Variants in SLC9A9 observed in about 807,000 individuals in gnomAD.
SLC9A9 encodes solute carrier family 9 member A9.
SLC9A9 carries 62 observed loss-of-function variants against 77.8 expected under a neutral mutation model. The ratio of observed to expected loss-of-function variants is 0.80; its 90% CI spans 0.65 to 0.98. The LOEUF is 0.98. Ranked by LOEUF, SLC9A9 falls within the 50% of genes least tolerant of loss-of-function variation. The probability of loss-of-function intolerance (pLI) is 0.00; values close to 1 mark genes in which losing one functional copy is unlikely to be tolerated. For synonymous variants in SLC9A9, 320 were observed against 283.5 expected, an observed-to-expected ratio of 1.13 and a Z score of -1.29; for missense variants, 775 against 774.9, an observed-to-expected ratio of 1.00 and a Z score of 0.00.
At position 143,756,192 on chromosome 3, in the gene SLC9A9, C is replaced by T. The variant is rs562187817; in HGVS notation, c.533+38809G>A. On this transcript the variant is annotated intron_variant, in intron 4 of 15. Transcript: ENST00000316549. The stretch of plus-strand genomic sequence containing the variant: ...CTCATACAGAGAAAATATCTAGGGG[C>T]GTTTTTGTGCATGTGGTCACAAAAC... 2.2e-4 allele frequency among the ~76,000 whole-genome samples: 33 copies of T among 152,252 alleles called. No homozygotes were observed. In the South Asian group the frequency reaches 5.2e-3, roughly 24 times the overall value.
chr3:143,670,028 A>C (rs9883036), intron 5 of SLC9A9, among the ~76,000 whole-genome samples: 6,138 of 152,246 alleles, frequency 0.04, 150 homozygotes, highest in African/African-American at 0.057. Flanking sequence ...GAGAAAAAGT[A>C]GATATTATCA....
intron 6 of SLC9A9, among the ~76,000 whole-genome samples, chr3:143,586,060 T>C (rs891162778): frequency 2.4e-4 from 37 of 152,184 alleles, no homozygotes; most frequent in Non-Finnish European, 1.0e-4. Flanking sequence ...GGGATAACAG[T>C]ATAACAGTTT....
chr3:143,724,872 G>C (rs763323528), intron 4 of SLC9A9, among the ~76,000 whole-genome samples: 10 of 152,064 alleles, frequency 6.6e-5, no homozygotes, highest in Non-Finnish European at 1.3e-4. Flanking sequence ...TAACATCAAA[G>C]GTAGGATGCC....
At chr3:143,679,003 G>A (rs937806136) in intron 5 of SLC9A9, among the ~76,000 whole-genome samples, 2 of 144,636 alleles carry the variant, frequency 1.4e-5, no homozygotes, top group Non-Finnish European at 3.0e-5. Context: ...AAGGAGCACT[G>A]TTTTGGATTG....
intron 12 of SLC9A9, among the ~76,000 whole-genome samples, chr3:143,420,329 C>T (rs948586467): frequency 6.6e-6 from 1 of 152,190 alleles, no homozygotes; most frequent in South Asian, 2.1e-4. Context: ...GGCATCCAAT[C>T]AACTGAAGCC....
At chr3:143,571,556 T>C (rs1345702273) in intron 8 of SLC9A9, among the ~76,000 whole-genome samples, 1 of 152,064 alleles carries the variant, frequency 6.6e-6, no homozygotes, top group East Asian at 1.9e-4. Context: ...CCCTTATATA[T>C]AGATGCATGT....
In SLC9A9 at chr3:143,827,696, C is replaced by T. The variant is rs552376915; in HGVS notation, c.378+4323G>A. Among the ~76,000 whole-genome samples, 631 of 152,342 alleles carry T rather than the reference C, an allele frequency of 4.1e-3. 4 individuals carry two copies. Among genetic ancestry groups the T allele is most frequent in the Non-Finnish European group, 6.8e-3 (462 of 68,042 alleles). On this transcript the variant is annotated intron_variant, in intron 2 of 15. Transcript: ENST00000316549. Reference sequence around the variant, plus strand: ...TCTTCTAAGAGGCCATTACATAGCACAAGAATTCATTCCAGCCTCTCCAAA... The same window carrying T: ...TCTTCTAAGAGGCCATTACATAGCATAAGAATTCATTCCAGCCTCTCCAAA...
chr3:143,571,444 G>T (rs947361280), intron 8 of SLC9A9, among the ~76,000 whole-genome samples: 4 of 151,962 alleles, frequency 2.6e-5, no homozygotes, highest in African/African-American at 9.7e-5. Flanking sequence ...CACACCCTCA[G>T]GTTTTATTGA....
intron 14 of SLC9A9, among the ~76,000 whole-genome samples, chr3:143,313,780 T>C (rs2031107214): frequency 6.6e-6 from 1 of 152,200 alleles, no homozygotes; most frequent in Non-Finnish European, 1.5e-5. Context: ...TCTGCCTAGA[T>C]GCTGCTGGGG....
At chr3:143,588,635 C>T (rs2037595204) in intron 6 of SLC9A9, among the ~76,000 whole-genome samples, 1 of 152,196 alleles carries the variant, frequency 6.6e-6, no homozygotes, top group Non-Finnish European at 1.5e-5. Flanking sequence ...TCCAATTTAG[C>T]TTGAAACATG....
chr3:143,783,349 C>CT (rs1479139377), intron 4 of SLC9A9, among the ~76,000 whole-genome samples: 1 of 152,062 alleles, frequency 6.6e-6, no homozygotes, highest in African/African-American at 2.4e-5. Context: ...TCCCCCTTGC[C>CT]TTCCCTCTGC....
intron 14 of SLC9A9, among the ~76,000 whole-genome samples, chr3:143,318,893 G>A (rs751024437): frequency 4.9e-4 from 75 of 152,268 alleles, no homozygotes; most frequent in African/African-American, 1.6e-3. Context: ...GCTTGGCCAC[G>A]CAAGATGTGT....
At chr3:143,578,755 T>C in intron 6 of SLC9A9, 32 bp from the exon 7 acceptor site, 9 of 1,613,444 alleles carry the variant, frequency 5.6e-6, no homozygotes, top group Non-Finnish European at 7.6e-6. Flanking sequence ...GGTTAGTTAG[T>C]GACTTTCATC....
chr3:143,671,573 C>T (rs1000838149), intron 5 of SLC9A9, among the ~76,000 whole-genome samples: 5 of 152,060 alleles, frequency 3.3e-5, no homozygotes, highest in African/African-American at 9.7e-5. Flanking sequence ...TAAATCAAAG[C>T]TGTTATTTTT....
chr3:143,743,431 A>G (rs1935132275), intron 4 of SLC9A9, among the ~76,000 whole-genome samples: 1 of 152,188 alleles, frequency 6.6e-6, no homozygotes, highest in Non-Finnish European at 1.5e-5. Context: ...GCCAATAGGC[A>G]AAGGATAAAG....
At chr3:143,594,472 T>G (rs1332503355) in intron 6 of SLC9A9, among the ~76,000 whole-genome samples, 1 of 152,138 alleles carries the variant, frequency 6.6e-6, no homozygotes, top group African/African-American at 2.4e-5. Context: ...TAGAGGAAAT[T>G]GAGGAGTGTT....
intron 15 of SLC9A9, among the ~76,000 whole-genome samples, chr3:143,267,632 C>T (rs1398862102): frequency 2.6e-5 from 4 of 152,124 alleles, no homozygotes; most frequent in South Asian, 4.2e-4. Flanking sequence ...GGATTACAGG[C>T]GTCAGCCACC....
intron 4 of SLC9A9, among the ~76,000 whole-genome samples, chr3:143,706,825 T>C (rs1230113748): frequency 6.6e-6 from 1 of 152,230 alleles, no homozygotes; most frequent in Non-Finnish European, 1.5e-5. Flanking sequence ...GACTTATTTT[T>C]AGTTCATCAG....
chr3:143,381,857 C>CATGCTAGTTCTAAGCATTCAT, intron 13 of SLC9A9: 1 of 612,030 alleles, frequency 1.6e-6, no homozygotes, highest in East Asian at 2.9e-5. Flanking sequence ...CTTGCAAGTA[C>CATGCTAGTTCTAAGCATTCAT]ATGCTAGTTC....
Sources: allele counts gnomAD v4.1 joint callset (sites outside exome capture counted in the v4.1 genomes callset), GRCh38; gene constraint gnomAD v4.1.1; transcripts MANE v1.5; gene names NCBI Gene and HGNC (gene_info 2026-07-23, HGNC 2026-07-21).